Variants in CLCN3 observed in about 807,000 individuals in gnomAD.
CLCN3 encodes Cl-/H+ antiporter 3.
In CLCN3, 16 loss-of-function variants were observed where a neutral mutation model predicts 83.4. The observed-to-expected ratio is 0.19, with a 90% CI of 0.13 to 0.29. The LOEUF (loss-of-function observed/expected upper bound fraction) is 0.29. Ranked by LOEUF, CLCN3 falls within the 10% of genes least tolerant of loss-of-function variation. The pLI is 1.00. For synonymous variants in CLCN3, 322 were observed against 346.2 expected, an observed-to-expected ratio of 0.93 and a Z score of 0.78; for missense variants, 544 against 1,006.0, an observed-to-expected ratio of 0.54 and a Z score of 6.21.
intron 10 of CLCN3, among the ~76,000 whole-genome samples, chr4:169,705,763 C>A (rs1041242923): frequency 3.9e-5 from 6 of 151,970 alleles, no homozygotes; most frequent in Non-Finnish European, 7.4e-5. Flanking sequence ...GGTTTTTGAG[C>A]AAAAGAGCAA....
chr4:169,701,078 C>T (rs182291856), intron 9 of CLCN3, among the ~76,000 whole-genome samples: 4 of 152,282 alleles, frequency 2.6e-5, no homozygotes, highest in Admixed American at 2.0e-4. Context: ...ACCATTTTAC[C>T]TACAGTAGAC....
At chr4:169,629,278 A>AT (rs34445722) in intron 1 of CLCN3, among the ~76,000 whole-genome samples, 53,242 of 151,950 alleles carry the variant, frequency 0.35, 9,517 homozygotes, top group South Asian at 0.4. Context: ...GATATACAGG[A>AT]TTTTTTTCTG....
At chr4:169,626,039 C>A (rs1019985913) in intron 1 of CLCN3, among the ~76,000 whole-genome samples, 2 of 152,212 alleles carry the variant, frequency 1.3e-5, no homozygotes, top group Non-Finnish European at 1.5e-5. Context: ...TCCCCCACTT[C>A]CAGTGCTAAT....
chr4:169,712,287 C>T (rs193039457), intron 11 of CLCN3, among the ~76,000 whole-genome samples: 2 of 152,218 alleles, frequency 1.3e-5, no homozygotes, highest in South Asian at 2.1e-4. Flanking sequence ...TTTCCTTCTC[C>T]GTCTTGTGTG....
chr4:169,656,866 A>G (rs1424440397), intron 2 of CLCN3, among the ~76,000 whole-genome samples: 1 of 152,074 alleles, frequency 6.6e-6, no homozygotes, highest in Non-Finnish European at 1.5e-5. Context: ...CACTTGAGCT[A>G]GGGGGTCGAA....
rs567854258 is a variant in CLCN3 at position 169,679,295 on chromosome 4, C to T, written c.161-755C>T. On this transcript the variant is annotated intron_variant, in intron 2 of 12. Coordinates refer to ENST00000513761, the MANE Select transcript of CLCN3 (RefSeq NM_001829.4). ...CGCTCCCCACGTCCCAGACGATGGGCGGCCGGGCAGAGACGCTCCTCACTT... is the reference window on the plus strand; with the variant it reads ...CGCTCCCCACGTCCCAGACGATGGGTGGCCGGGCAGAGACGCTCCTCACTT... Among the ~76,000 whole-genome samples, 545 of 150,618 alleles carry T rather than the reference C, an allele frequency of 3.6e-3. 3 individuals carry two copies. Among genetic ancestry groups the T allele is most frequent in the South Asian group, 0.022 (105 of 4,726 alleles).
At position 169,693,944 on chromosome 4, in the gene CLCN3, G is replaced by A. The variant is rs76847289; in HGVS notation, c.936+1624G>A. Among the ~76,000 whole-genome samples, 1,106 of 152,292 alleles carry A rather than the reference G, an allele frequency of 7.3e-3. 10 individuals carry two copies. Among genetic ancestry groups the A allele is most frequent in the African/African-American group, 0.025 (1,056 of 41,566 alleles). On this transcript the variant is annotated intron_variant, in intron 7 of 12. Coordinates refer to ENST00000513761, the MANE Select transcript of CLCN3 (RefSeq NM_001829.4). ...GTCCCATAGTTTTGTGTAGACAAGAGGGGAGAGCGTTGATATTTTTAAATT... is the reference window on the plus strand; with the variant it reads ...GTCCCATAGTTTTGTGTAGACAAGAAGGGAGAGCGTTGATATTTTTAAATT...
chr4:169,631,428 A>C (rs992302136), intron 1 of CLCN3, among the ~76,000 whole-genome samples: 1 of 152,000 alleles, frequency 6.6e-6, no homozygotes, highest in Non-Finnish European at 1.5e-5. Context: ...CTGGGACTAC[A>C]GGCGCCCACC....
At position 169,636,735 on chromosome 4, in the gene CLCN3, G is replaced by GTTTTT. The variant is rs67900605; in HGVS notation, c.160+659_160+663dup. On this transcript the variant is annotated intron_variant, in intron 2 of 12. Coordinates refer to ENST00000513761, the MANE Select transcript of CLCN3 (RefSeq NM_001829.4). The stretch of plus-strand genomic sequence containing the variant: ...TTCTACACTGATATTTCATTATTTG[G>GTTTTT]TTTTTTTTTTTTTTTTCATATTTTG... Among the ~76,000 whole-genome samples, 35 of 119,516 alleles carry GTTTTT rather than the reference G, an allele frequency of 2.9e-4. No homozygotes were observed. In the East Asian group the frequency reaches 3.8e-3, roughly 13 times the overall value. 78.4% of individuals were successfully genotyped at this position (119,516 alleles called of 152,430 possible). A position where few individuals can be genotyped will look rare whatever the true frequency, so the allele number is the denominator to read the frequency against.
intron 12 of CLCN3, 143 bp downstream of exon 12, chr4:169,713,438 C>T: frequency 6.5e-6 from 4 of 618,548 alleles, no homozygotes; most frequent in Non-Finnish European, 1.2e-5. Flanking sequence ...AATATAGGAT[C>T]AGTCAATCAA....
At chr4:169,677,225 C>T (rs1731715397) in intron 2 of CLCN3, among the ~76,000 whole-genome samples, 1 of 151,940 alleles carries the variant, frequency 6.6e-6, no homozygotes, top group Non-Finnish European at 1.5e-5. Context: ...CTGTAAAGTG[C>T]TATTTATGTA....
rs1039278493 is a variant in CLCN3, at chr4:169,680,358, T to C, written c.318+151T>C. ...ATATGTGGTACATGTTTTTTTCTTT[T>C]TCTATGTTTAATTTTTTTAGTTTAC... is the stretch of plus-strand genomic sequence containing the variant. On this transcript the variant is annotated intron_variant, in intron 3 of 12. Transcript: ENST00000513761. 15 of 614,358 alleles carry C rather than the reference T, an allele frequency of 2.4e-5. No homozygotes were observed. The African/African-American group carries it at 2.6e-4, about 11-fold the overall frequency. 38.1% of individuals were successfully genotyped at this position (614,358 alleles called of 1,614,324 possible).
At chr4:169,677,835 C>G (rs6821304) in intron 2 of CLCN3, among the ~76,000 whole-genome samples, 147,841 of 152,338 alleles carry the variant, frequency 0.97, 71,883 homozygotes, top group Middle Eastern at 1. Flanking sequence ...GATTTGATTT[C>G]CATTTCTTTT....
chr4:169,704,770 G>A (rs111435250), intron 10 of CLCN3, among the ~76,000 whole-genome samples: 21 of 152,232 alleles, frequency 1.4e-4, no homozygotes, highest in African/African-American at 5.1e-4. Flanking sequence ...GGAAAAAATG[G>A]TTATTGCTTT....
At chr4:169,715,567 A>C (rs1733393390) in intron 12 of CLCN3, among the ~76,000 whole-genome samples, 1 of 152,102 alleles carries the variant, frequency 6.6e-6, no homozygotes, top group Non-Finnish European at 1.5e-5. Flanking sequence ...GGAGACCATG[A>C]AGTTCTGCAT....
chr4:169,665,924 T>TC (rs911107961), intron 2 of CLCN3, among the ~76,000 whole-genome samples: 2 of 151,930 alleles, frequency 1.3e-5, no homozygotes, highest in African/African-American at 4.8e-5. Flanking sequence ...CCTGCCAGTG[T>TC]CACTGTGATA....
intron 9 of CLCN3, among the ~76,000 whole-genome samples, chr4:169,699,119 G>T (rs1372495828): frequency 6.6e-6 from 1 of 152,132 alleles, no homozygotes; most frequent in Non-Finnish European, 1.5e-5. Context: ...CACAGGTTCT[G>T]GGAATTAAGT....
At chr4:169,708,025 A>G (rs2150268419) in intron 11 of CLCN3, among the ~76,000 whole-genome samples, 1 of 152,148 alleles carries the variant, frequency 6.6e-6, no homozygotes, top group African/African-American at 2.4e-5. Context: ...TCTTCCTCCA[A>G]CCCCTAAAAA....
In CLCN3 at chr4:169,704,087, TCAC is replaced by T; in HGVS notation, c.1657_1659del (p.His553del). 2 of 1,613,988 alleles carry T rather than the reference TCAC, an allele frequency of 1.2e-6. No homozygotes were observed. The highest frequency in any genetic ancestry group is 1.7e-6 in the Non-Finnish European group (2 of 1,179,960). On this transcript the variant is annotated inframe_deletion, in exon 10 of 13. Coordinates refer to ENST00000513761, the MANE Select transcript of CLCN3 (RefSeq NM_001829.4). ...TTGCGGTGGAGCAGCTTGCCTACTA[TCAC>T]CACGACTGGTTTATCTTTAAGGAGT...
Sources: gnomAD v4.1 joint callset for allele counts (sites outside exome capture counted in the v4.1 genomes callset) on GRCh38, gnomAD v4.1.1 for gene constraint, MANE v1.5 for transcripts, NCBI Gene and HGNC (gene_info 2026-07-23, HGNC 2026-07-21) for gene names.